The following RYR2 variants were observed in gnomAD, a reference collection of about 807,000 sequenced individuals.
The protein encoded by RYR2 is ryanodine receptor 2, also known as cardiac muscle ryanodine receptor-calcium release channel.
In RYR2, 227 loss-of-function variants were observed where a neutral mutation model predicts 601.1. The ratio of observed to expected loss-of-function variants is 0.38; its 90% CI spans 0.34 to 0.42. RYR2 has a LOEUF of 0.42. Among genes scored for constraint, RYR2 ranks in the 10% least tolerant of loss-of-function variants. The pLI is 1.00. For synonymous variants in RYR2, 2,223 were observed against 2,175.1 expected (o/e 1.02, Z -0.61); for missense variants, 4,646 against 6,156.5 (o/e 0.75, Z 8.21).
chr1:237,655,697 CAG>C lies in RYR2; in HGVS notation c.7966-119_7966-118del, dbSNP rs1485122720. 7.5e-6 allele frequency: 6 copies of C among 799,012 alleles called. No individual in the cohort carries two copies. In the African/African-American group the frequency reaches 1.1e-4, roughly 15 times the overall value. The allele number at this position is 799,012 out of a possible 1,614,324, so 49.5% of individuals were successfully genotyped here. A position where few individuals can be genotyped will look rare whatever the true frequency, so the allele number is the denominator to read the frequency against. On this transcript the variant is annotated intron_variant, in intron 52 of 104. Transcript: ENST00000366574. ...TTTCATTTTCTGGAAAAAGAATGAT[CAG>C]AGAGTTCAGTTAGTCCAGGGTAATT... is the stretch of plus-strand genomic sequence containing the variant.
intron 66 of RYR2, among the ~76,000 whole-genome samples, chr1:237,702,950 G>A (rs1688083295): frequency 6.6e-6 from 1 of 151,966 alleles, no homozygotes; most frequent in Non-Finnish European, 1.5e-5. Context: ...TTCATTTTAA[G>A]TAAACTCAAT....
At chr1:237,803,001 A>AC (rs1660154556) in intron 98 of RYR2, among the ~76,000 whole-genome samples, 1 of 152,120 alleles carries the variant, frequency 6.6e-6, no homozygotes, top group South Asian at 2.1e-4. Context: ...TCACCTCTCA[A>AC]CATGCATTCA....
chr1:237,215,826 G>A lies in RYR2; in HGVS notation c.49-54671G>A, dbSNP rs12024589. 4.3e-3 allele frequency among the ~76,000 whole-genome samples: 656 copies of A among 152,232 alleles called. 48 individuals carry two copies. The East Asian group carries it at 0.11, about 26-fold the overall frequency. Reference sequence around the variant, plus strand: ...CCCCTCCAAAGTTTCACATTTTAATGGATTCATATTTTAGTAAGCCTAGGG... The same window carrying A: ...CCCCTCCAAAGTTTCACATTTTAATAGATTCATATTTTAGTAAGCCTAGGG... On this transcript the variant is annotated intron_variant, in intron 1 of 104. Coordinates refer to ENST00000366574, the MANE Select transcript of RYR2 (RefSeq NM_001035.3).
At chr1:237,792,421 GTGTT>G in intron 94 of RYR2, 98 bp downstream of exon 94, 1 of 750,136 alleles carries the variant, frequency 1.3e-6, no homozygotes, top group Non-Finnish European at 2.0e-6. Context: ...GTGTGTGTGT[GTGTT>G]TTGCAGGCTG....
chr1:237,725,420 C>T (rs918826467), intron 74 of RYR2, among the ~76,000 whole-genome samples: 12 of 152,006 alleles, frequency 7.9e-5, no homozygotes, highest in Non-Finnish European at 1.5e-4. Context: ...AACTTGCAAA[C>T]GTCAGTGTAA....
intron 1 of RYR2, among the ~76,000 whole-genome samples, chr1:237,071,142 A>G (rs1026307327): frequency 3.3e-5 from 5 of 152,216 alleles, no homozygotes; most frequent in Admixed American, 6.5e-5. Flanking sequence ...AACAACTCTC[A>G]TGAGACCTGA....
intron 1 of RYR2, among the ~76,000 whole-genome samples, chr1:237,146,498 A>G (rs906821980): frequency 2.6e-5 from 4 of 152,220 alleles, no homozygotes; most frequent in African/African-American, 9.6e-5. Context: ...AACAGTCGGC[A>G]TGCTTGGAGT....
intron 1 of RYR2, among the ~76,000 whole-genome samples, chr1:237,117,597 T>TCTCTTCTCTTTTC: frequency 6.6e-6 from 1 of 152,156 alleles, no homozygotes; most frequent in Admixed American, 6.5e-5. Flanking sequence ...CTCTTCTTTT[T>TCTCTTCTCTTTTC]TCTCTTCTCT....
intron 63 of RYR2, among the ~76,000 whole-genome samples, chr1:237,694,541 A>G (rs1687245758): frequency 6.6e-6 from 1 of 152,150 alleles, no homozygotes; most frequent in African/African-American, 2.4e-5. Flanking sequence ...TTAACTTATT[A>G]TATATACTGT....
Position 237,674,764 on chromosome 1 carries a change from T to C in RYR2, c.8748T>C (p.Ser2916=). Residue 2916 remains serine, a synonymous_variant, in exon 60 of 105, where the codon TCT becomes TCC. Transcript: ENST00000366574. ...GFKDLELDTP[S]IEKRFAYSFL... is the part of the protein sequence containing the mutation. ...AGGACCTGGAACTGGACACGCCTTCTATTGAGAAACGATTTGCCTATAGTT... is the reference window on the plus strand; with the variant it reads ...AGGACCTGGAACTGGACACGCCTTCCATTGAGAAACGATTTGCCTATAGTT... The C allele has an allele frequency of 6.2e-7, 1 of 1,612,450 alleles. No individual in the cohort carries two copies. The highest frequency in any genetic ancestry group is 8.5e-7 in the Non-Finnish European group (1 of 1,178,738).
intron 93 of RYR2, 49 bp from the exon 94 acceptor site, chr1:237,792,056 G>T (rs1658435775): frequency 1.5e-6 from 2 of 1,326,190 alleles, no homozygotes; most frequent in South Asian, 1.3e-5. Flanking sequence ...TGCTTGCAAT[G>T]GTATCTTAGA....
Position 237,387,951 on chromosome 1 carries a change from G to A in RYR2, c.677-136G>A, listed in dbSNP as rs1702074417. 3 of 750,162 alleles carry A rather than the reference G, an allele frequency of 4.0e-6. No homozygotes were observed. The Admixed American group carries it at 6.9e-5, about 17-fold the overall frequency. The allele number at this position is 750,162 out of a possible 1,614,324, so 46.5% of individuals were successfully genotyped here. A position where few individuals can be genotyped will look rare whatever the true frequency, so the allele number is the denominator to read the frequency against. On this transcript the variant is annotated intron_variant, in intron 9 of 104. Coordinates refer to ENST00000366574, the MANE Select transcript of RYR2 (RefSeq NM_001035.3). The stretch of plus-strand genomic sequence containing the variant: ...GGAACAGCAGGCACTGTCTATCTCT[G>A]TGACCTTGGCCAGGTCCTTAAGACT...
At chr1:237,268,188 G>A (rs1689256731) in intron 1 of RYR2, among the ~76,000 whole-genome samples, 2 of 152,230 alleles carry the variant, frequency 1.3e-5, no homozygotes, top group South Asian at 4.1e-4. Flanking sequence ...ATTGTATTTA[G>A]ATAGCCTCTA....
chr1:237,700,079 T>TTGC (rs1687831204), intron 64 of RYR2, 150 bp from the exon 65 acceptor site: 2 of 599,498 alleles, frequency 3.3e-6, no homozygotes, highest in East Asian at 5.5e-5. Flanking sequence ...TTCAAGTATA[T>TTGC]TGAAAAAATT....
chr1:237,406,247 AC>A (rs1703890988), intron 10 of RYR2, among the ~76,000 whole-genome samples: 1 of 117,152 alleles, frequency 8.5e-6, no homozygotes, highest in African/African-American at 3.2e-5. Context: ...ATCTCTTTAT[AC>A]GTAGTTTCCC....
chr1:237,802,697 C>A (rs1333902970), intron 98 of RYR2, among the ~76,000 whole-genome samples: 1 of 152,232 alleles, frequency 6.6e-6, no homozygotes, highest in Non-Finnish European at 1.5e-5. Context: ...AACAAGAGGG[C>A]AACCTCAGCT....
At chr1:237,524,216 T>A (rs1667361847) in intron 24 of RYR2, among the ~76,000 whole-genome samples, 1 of 152,218 alleles carries the variant, frequency 6.6e-6, no homozygotes, top group Non-Finnish European at 1.5e-5. Flanking sequence ...TGGCATATTA[T>A]TCAGCAATAA....
intron 97 of RYR2, among the ~76,000 whole-genome samples, chr1:237,800,472 G>A (rs950233400): frequency 5.9e-5 from 9 of 151,748 alleles, no homozygotes; most frequent in Admixed American, 1.3e-4. Context: ...TTAACCCTTA[G>A]TGAAAAAAAT....
rs367592777 is a variant in RYR2, at chr1:237,259,310, C to G, written c.49-11187C>G. Among the ~76,000 whole-genome samples, 10 of 152,138 alleles carry G rather than the reference C, an allele frequency of 6.6e-5. No individual in the cohort carries two copies. The South Asian group carries it at 1.9e-3, about 28-fold the overall frequency. On this transcript the variant is annotated intron_variant, in intron 1 of 104. Coordinates refer to ENST00000366574, the MANE Select transcript of RYR2 (RefSeq NM_001035.3). ...ATCACCTGAAGTCAGGAGTTCAACA[C>G]CAGTCTGGCTAACATGATGAAACTC...
Sources: allele counts gnomAD v4.1 joint callset (sites outside exome capture counted in the v4.1 genomes callset), GRCh38; gene constraint gnomAD v4.1.1; transcripts MANE v1.5; gene names NCBI Gene and HGNC (gene_info 2026-07-23, HGNC 2026-07-21).